ACTN2: variants seen among roughly 807,000 people sequenced by gnomAD.
ACTN2 encodes the protein alpha-actinin-2.
Under a neutral mutation model 113.8 loss-of-function variants are expected in ACTN2, and 39 were observed. The observed-to-expected ratio is 0.34, with a 90% CI of 0.27 to 0.45. The LOEUF is 0.45. Among genes scored for constraint, ACTN2 ranks in the 20% least tolerant of loss-of-function variants. The pLI is 1.00. For synonymous variants in ACTN2, 429 were observed against 444.1 expected (o/e 0.97, Z 0.43); for missense variants, 992 against 1,177.9 (o/e 0.84, Z 2.31).
chr1:236,725,819 G>A, intron 4 of ACTN2, 114 bp from the exon 5 acceptor site: 2 of 901,394 alleles, frequency 2.2e-6, no homozygotes, highest in Non-Finnish European at 3.8e-6. Context: ...GAGGCTGTAG[G>A]AAGAGACCCC....
At chr1:236,721,033 T>TTTTTTTTTTTTG (rs1658378215) in intron 4 of ACTN2, among the ~76,000 whole-genome samples, 1 of 108,834 alleles carries the variant, frequency 9.2e-6, no homozygotes, top group African/African-American at 3.4e-5. Flanking sequence ...TTTTTTTTTT[T>TTTTTTTTTTTTG]TTTTTTTTTT....
intron 17 of ACTN2, among the ~76,000 whole-genome samples, chr1:236,755,438 A>T (rs550970465): frequency 6.6e-6 from 1 of 152,224 alleles, no homozygotes; most frequent in Non-Finnish European, 1.5e-5. Context: ...CCATAAATTC[A>T]CTACACTTCT....
At chr1:236,747,035 G>T (rs1659258121) in intron 12 of ACTN2, among the ~76,000 whole-genome samples, 1 of 152,170 alleles carries the variant, frequency 6.6e-6, no homozygotes, top group Admixed American at 6.5e-5. Context: ...AGTCACTGTG[G>T]CTGCATCCTG....
intron 10 of ACTN2, among the ~76,000 whole-genome samples, chr1:236,740,089 A>G (rs1455830715): frequency 1.3e-5 from 2 of 151,028 alleles, no homozygotes; most frequent in Non-Finnish European, 2.9e-5. Flanking sequence ...TGTGGTACCT[A>G]TTTCCGCTCC....
At chr1:236,737,039 C>G in intron 8 of ACTN2, 83 bp from the exon 9 acceptor site, 1 of 1,184,394 alleles carries the variant, frequency 8.4e-7, no homozygotes, top group Non-Finnish European at 1.2e-6. Flanking sequence ...CTCCTCGTCC[C>G]CTCTCATCAC....
intron 11 of ACTN2, among the ~76,000 whole-genome samples, chr1:236,743,973 A>C (rs1222497498): frequency 6.6e-6 from 1 of 152,232 alleles, no homozygotes; most frequent in Non-Finnish European, 1.5e-5. Flanking sequence ...GTCATCATTA[A>C]ATACATGAAC....
chr1:236,704,294 A>G (rs187000030), intron 1 of ACTN2, among the ~76,000 whole-genome samples: 1 of 152,344 alleles, frequency 6.6e-6, no homozygotes, highest in African/African-American at 2.4e-5. Flanking sequence ...ACACCACAAC[A>G]GTCAACCCAG....
intron 12 of ACTN2, among the ~76,000 whole-genome samples, chr1:236,746,383 CCT>C (rs371779790): frequency 4.6e-4 from 70 of 151,948 alleles, no homozygotes; most frequent in Non-Finnish European, 9.3e-4. Flanking sequence ...ACTTGTTATC[CCT>C]GGAGGTACTG....
intron 6 of ACTN2, among the ~76,000 whole-genome samples, chr1:236,728,641 T>A (rs937999644): frequency 6.6e-6 from 1 of 152,094 alleles, no homozygotes; most frequent in African/African-American, 2.4e-5. Context: ...TTGCTTTTTT[T>A]CAGAAAATTT....
At chr1:236,747,595 CT>C in intron 12 of ACTN2, 71 bp from the exon 13 acceptor site, 1 of 1,360,692 alleles carries the variant, frequency 7.3e-7, no homozygotes, top group Admixed American at 1.9e-5. Context: ...TGTTATTTTT[CT>C]TTTTTAGCCC....
At chr1:236,735,576 T>C in intron 7 of ACTN2, 59 bp from the exon 8 acceptor site, 1 of 1,428,970 alleles carries the variant, frequency 7.0e-7, no homozygotes, top group South Asian at 1.1e-5. Context: ...CTCTCCTTCG[T>C]CTGTATGTGT....
intron 7 of ACTN2, among the ~76,000 whole-genome samples, chr1:236,734,781 C>T (rs2102915706): frequency 6.6e-6 from 1 of 152,302 alleles, no homozygotes; most frequent in East Asian, 1.9e-4. Flanking sequence ...TCTCTGCAAA[C>T]CCAATGACTA....
chr1:236,695,569 C>G (rs1017123040), intron 1 of ACTN2, among the ~76,000 whole-genome samples: 2 of 111,736 alleles, frequency 1.8e-5, no homozygotes, highest in South Asian at 3.7e-4. Flanking sequence ...GAGTTCCCCC[C>G]CCCTGCCCAG....
chr1:236,753,862 C>T, intron 15 of ACTN2, 85 bp from the exon 16 acceptor site: 1 of 1,311,238 alleles, frequency 7.6e-7, no homozygotes. Context: ...CCCACCCCCA[C>T]CCCTTGGACT....
At chr1:236,709,255 T>TATACACACACACACAC (rs796606511) in intron 1 of ACTN2, among the ~76,000 whole-genome samples, 2 of 68,900 alleles carry the variant, frequency 2.9e-5, no homozygotes, top group Admixed American at 2.0e-4. Context: ...TATATATATA[T>TATACACACACACACAC]ACACACACAC....
At chr1:236,707,156 G>A (rs1283146398) in intron 1 of ACTN2, among the ~76,000 whole-genome samples, 1 of 152,130 alleles carries the variant, frequency 6.6e-6, no homozygotes, top group African/African-American at 2.4e-5. Flanking sequence ...CAATATTTTT[G>A]CCCCCTATAG....
intron 20 of ACTN2, among the ~76,000 whole-genome samples, chr1:236,761,627 G>T (rs1373890062): frequency 1.3e-5 from 2 of 152,180 alleles, no homozygotes; most frequent in Non-Finnish European, 2.9e-5. Context: ...TAGCCGTTCA[G>T]TCAGTAAAAA....
intron 6 of ACTN2, among the ~76,000 whole-genome samples, chr1:236,728,935 A>G (rs978763958): frequency 1.3e-5 from 2 of 151,792 alleles, no homozygotes; most frequent in Non-Finnish European, 2.9e-5. Flanking sequence ...TGATGGAAAA[A>G]GATATCAATG....
intron 4 of ACTN2, among the ~76,000 whole-genome samples, chr1:236,722,804 G>T (rs762349253): frequency 3.9e-5 from 6 of 152,112 alleles, no homozygotes; most frequent in Non-Finnish European, 5.9e-5. Context: ...CATGATCAGG[G>T]TTTTGTGTGT....
Sources: gnomAD v4.1 joint callset for allele counts (sites outside exome capture counted in the v4.1 genomes callset) on GRCh38, gnomAD v4.1.1 for gene constraint, MANE v1.5 for transcripts, NCBI Gene and HGNC (gene_info 2026-07-23, HGNC 2026-07-21) for gene names.